Variants in SLC8B1 observed in about 807,000 individuals in gnomAD.
SLC8B1 encodes the protein solute carrier family 8 member B1.
SLC8B1 carries 52 observed loss-of-function variants against 63.4 expected under a neutral mutation model. That is an observed-to-expected ratio of 0.82 (90% CI 0.66 to 1.03). The LOEUF (loss-of-function observed/expected upper bound fraction) is 1.03. SLC8B1 is among the 50% of genes least tolerant of loss of function. The pLI is 0.00. For synonymous variants in SLC8B1, 336 were observed against 323.9 expected, an observed-to-expected ratio of 1.04 and a Z score of -0.40; for missense variants, 657 against 741.7, an observed-to-expected ratio of 0.89 and a Z score of 1.33.
chr12:113,302,303 C>A, intron 15 of SLC8B1: 1 of 203,010 alleles, frequency 4.9e-6, no homozygotes, highest in Non-Finnish European at 1.0e-5. Context: ...GCCCACTGGG[C>A]AAGGAACGTC....
At chr12:113,301,937 C>G (rs1956593191) in intron 15 of SLC8B1, among the ~76,000 whole-genome samples, 1 of 152,178 alleles carries the variant, frequency 6.6e-6, no homozygotes, top group East Asian at 1.9e-4. Flanking sequence ...GTGGCAGCAG[C>G]AGAAATGAAT....
intron 7 of SLC8B1, 80 bp from the exon 8 acceptor site, chr12:113,319,151 G>T: frequency 9.0e-7 from 1 of 1,113,726 alleles, no homozygotes; most frequent in Non-Finnish European, 1.4e-6. Flanking sequence ...TCTATCAGTG[G>T]TGCGTGTTAG....
chr12:113,310,208 C>CA (rs377378377), intron 12 of SLC8B1, 26 bp downstream of exon 12: 5 of 1,609,080 alleles, frequency 3.1e-6, no homozygotes, highest in East Asian at 4.5e-5. Flanking sequence ...CCTCCCCCCC[C>CA]ATCTCGGAGA....
intron 15 of SLC8B1, among the ~76,000 whole-genome samples, chr12:113,301,141 AC>A (rs1220678542): frequency 3.9e-5 from 6 of 151,986 alleles, no homozygotes; most frequent in Admixed American, 6.6e-5. Flanking sequence ...ATCTCAAAAA[AC>A]AAAAGAAGAA....
In SLC8B1 at chr12:113,316,973, C is replaced by T. The variant is rs747671385; in HGVS notation, c.831G>A (p.Arg277=). ...CATAGCTGTTGGTATTAGAAGATAC[C>T]CGGTCCTCCTCGGAGTCTGAGAGGA... ...PEILSDSEED[R]VSSNTNSYDY... is the part of the protein sequence containing the mutation. Residue 277 remains arginine, a synonymous_variant, in exon 9 of 16, where the codon CGG becomes CGA. Transcript: ENST00000680972. The T allele has an allele frequency of 1.9e-6, 3 of 1,613,442 alleles. No individual in the cohort carries two copies. Among genetic ancestry groups the T allele is most frequent in the African/African-American group, 2.7e-5 (2 of 74,914 alleles).
intron 8 of SLC8B1, among the ~76,000 whole-genome samples, chr12:113,318,004 T>A (rs189501003): frequency 6.6e-6 from 1 of 152,292 alleles, no homozygotes; most frequent in Admixed American, 6.5e-5. Flanking sequence ...CATGTATTTA[T>A]GTGTGTTGCA....
chr12:113,321,487 T>C, intron 2 of SLC8B1, 139 bp from the exon 3 acceptor site: 1 of 995,562 alleles, frequency 1.0e-6, no homozygotes, highest in Non-Finnish European at 1.5e-6. Flanking sequence ...CAACTATGGA[T>C]GCACTTTTAA....
chr12:113,325,824 A>G (rs1956990682), intron 2 of SLC8B1, among the ~76,000 whole-genome samples: 1 of 151,866 alleles, frequency 6.6e-6, no homozygotes. Context: ...CGGCCTCCCA[A>G]AGTGCTGGGA....
At chr12:113,327,835 G>A (rs137898145) in intron 2 of SLC8B1, among the ~76,000 whole-genome samples, 12 of 151,936 alleles carry the variant, frequency 7.9e-5, no homozygotes, top group South Asian at 4.2e-4. Flanking sequence ...ACAAAAAGCC[G>A]GGCATGGTGG....
At chr12:113,323,296 C>G (rs1400867692) in intron 2 of SLC8B1, among the ~76,000 whole-genome samples, 1 of 152,200 alleles carries the variant, frequency 6.6e-6, no homozygotes, top group Non-Finnish European at 1.5e-5. Flanking sequence ...ATGCCCTGGC[C>G]AAGCTCTACC....
chr12:113,327,180 T>G (rs566099566), intron 2 of SLC8B1, among the ~76,000 whole-genome samples: 44 of 152,044 alleles, frequency 2.9e-4, no homozygotes, highest in Non-Finnish European at 5.7e-4. Context: ...GGAAGGACAC[T>G]AGATGGGGGC....
intron 10 of SLC8B1, 120 bp from the exon 11 acceptor site, chr12:113,315,596 G>A (rs978881805): frequency 3.1e-5 from 39 of 1,261,668 alleles, no homozygotes; most frequent in Non-Finnish European, 3.9e-5. Flanking sequence ...GACTGTGTGC[G>A]GGTTCCAGGC....
chr12:113,319,258 C>A, intron 7 of SLC8B1, 187 bp from the exon 8 acceptor site: 1 of 565,344 alleles, frequency 1.8e-6, no homozygotes. Context: ...GGACCATCTC[C>A]CTTCCTGTCT....
At position 113,316,652 on chromosome 12, in the gene SLC8B1, A is replaced by G. The variant is rs763902737; in HGVS notation, c.867T>C (p.Asp289=). The change falls in exon 10 of 16, where the codon GAT becomes GAC. Residue 289 remains aspartate, a synonymous_variant. Transcript: ENST00000680972. The stretch of plus-strand genomic sequence containing the variant: ...GGTAGAAGAACAGCGGCCGGTACTC[A>G]TCACCTGTGTGCAGGGGTCGGGTGG... The part of the protein sequence containing the change: ...SSNTNSYDYG[D]EYRPLFFYQE... 6.2e-6 allele frequency: 10 copies of G among 1,613,312 alleles called. No individual in the cohort carries two copies. Among genetic ancestry groups the G allele is most frequent in the Middle Eastern group, 1.8e-4 (1 of 5,528 alleles).
chr12:113,328,004 TATC>T (rs1353512872), intron 2 of SLC8B1, among the ~76,000 whole-genome samples: 2 of 150,078 alleles, frequency 1.3e-5, no homozygotes, highest in African/African-American at 2.5e-5. Flanking sequence ...AAGGTTGCAT[TATC>T]ATCATCTAAG....
chr12:113,327,065 T>A (rs545286414), intron 2 of SLC8B1, among the ~76,000 whole-genome samples: 1 of 152,206 alleles, frequency 6.6e-6, no homozygotes, highest in Admixed American at 6.5e-5. Flanking sequence ...GTTTCAGTCT[T>A]GCCCTAAGCC....
At chr12:113,317,058 C>T in intron 8 of SLC8B1, 57 bp from the exon 9 acceptor site, 1 of 1,501,362 alleles carries the variant, frequency 6.7e-7, no homozygotes, top group Non-Finnish European at 9.2e-7. Context: ...AGGGGGCACA[C>T]TGGGACAGAG....
At chr12:113,313,479 C>T (rs572197164) in intron 11 of SLC8B1, among the ~76,000 whole-genome samples, 109 of 152,164 alleles carry the variant, frequency 7.2e-4, no homozygotes, top group African/African-American at 1.9e-3. Context: ...GTGGCTCATG[C>T]TTATAATCTC....
chr12:113,312,552 G>A (rs1468684338), intron 11 of SLC8B1, among the ~76,000 whole-genome samples: 1 of 152,128 alleles, frequency 6.6e-6, no homozygotes, highest in Non-Finnish European at 1.5e-5. Context: ...TGCTGCTCGG[G>A]AGGCTCACCT....
Sources: allele counts gnomAD v4.1 joint callset (sites outside exome capture counted in the v4.1 genomes callset), GRCh38; gene constraint gnomAD v4.1.1; transcripts MANE v1.5; gene names NCBI Gene and HGNC (gene_info 2026-07-23, HGNC 2026-07-21).